The following STX18 variants were observed in gnomAD, a reference collection of about 807,000 sequenced individuals.
STX18 encodes syntaxin-18.
STX18 carries 40 observed loss-of-function variants against 50.1 expected under a neutral mutation model. The observed-to-expected ratio is 0.80, with a 90% CI of 0.62 to 1.04. The LOEUF (loss-of-function observed/expected upper bound fraction) is 1.04, where lower values mean the gene tolerates loss of function less well. STX18 is among the 50% of genes least tolerant of loss of function. The pLI is 0.00. For synonymous variants in STX18, 158 were observed against 151.8 expected (o/e 1.04, Z -0.30); for missense variants, 410 against 415.8 (o/e 0.99, Z 0.12).
At chr4:4,522,571 T>C (rs1017267479) in intron 1 of STX18, among the ~76,000 whole-genome samples, 1 of 152,194 alleles carries the variant, frequency 6.6e-6, no homozygotes, top group Non-Finnish European at 1.5e-5. Context: ...AGTAACACAC[T>C]AGAAACTGAC....
chr4:4,536,199 C>T (rs781503540), intron 1 of STX18, among the ~76,000 whole-genome samples: 20 of 152,186 alleles, frequency 1.3e-4, no homozygotes, highest in Non-Finnish European at 2.5e-4. Flanking sequence ...TATCACAGAG[C>T]TTTAGAACTG....
At chr4:4,443,438 A>C (rs1321931767) in intron 5 of STX18, among the ~76,000 whole-genome samples, 1 of 152,272 alleles carries the variant, frequency 6.6e-6, no homozygotes, top group African/African-American at 2.4e-5. Context: ...ATCTACAGTT[A>C]GCATCATACT....
intron 1 of STX18, among the ~76,000 whole-genome samples, chr4:4,505,318 C>A (rs939110996): frequency 2.0e-5 from 3 of 152,192 alleles, no homozygotes; most frequent in Admixed American, 1.3e-4. Flanking sequence ...GATGTATTTA[C>A]CTACAGTTGA....
At chr4:4,441,258 T>C (rs1353997716) in intron 5 of STX18, among the ~76,000 whole-genome samples, 1 of 152,230 alleles carries the variant, frequency 6.6e-6, no homozygotes, top group African/African-American at 2.4e-5. Context: ...CAGACTCCAA[T>C]TTGCTTTCTC....
intron 1 of STX18, among the ~76,000 whole-genome samples, chr4:4,492,714 T>C (rs865790921): frequency 2.0e-5 from 3 of 152,284 alleles, no homozygotes; most frequent in East Asian, 1.9e-4. Flanking sequence ...CTTATCACCA[T>C]ATGACTAAGA....
intron 1 of STX18, among the ~76,000 whole-genome samples, chr4:4,494,171 A>C (rs1414684036): frequency 6.6e-6 from 1 of 152,214 alleles, no homozygotes; most frequent in Non-Finnish European, 1.5e-5. Flanking sequence ...ACGAAGTAAA[A>C]ACTGATAATG....
rs1724831208 is a variant in STX18, at chr4:4,419,802, G to A, written c.*232C>T. ...TGTCTTGCCTGATGAGGGCTACGCA[G>A]GCTGCCTCCCATTGGTGTGCACTGT... is the stretch of plus-strand genomic sequence containing the variant. On this transcript the variant is annotated 3_prime_UTR_variant, in exon 11 of 11. Coordinates refer to ENST00000306200, the MANE Select transcript of STX18 (RefSeq NM_016930.4). 1 of 471,064 alleles carries A rather than the reference G, an allele frequency of 2.1e-6. No homozygotes were observed. Among genetic ancestry groups the A allele is most frequent in the Non-Finnish European group, 3.9e-6 (1 of 258,348 alleles). The allele number at this position is 471,064 out of a possible 1,614,324, so 29.2% of individuals were successfully genotyped here.
rs34563523 is a variant in STX18 at position 4,489,391 on chromosome 4, A to ATTTTTTTTTTTTTTTTTT, written c.169-17703_169-17686dup. The stretch of plus-strand genomic sequence containing the variant: ...AGCACTTCAATACACATGCAAAATA[A>ATTTTTTTTTTTTTTTTTT]TTTTTTTTTTTTTTTTTTTTTTTTT... On this transcript the variant is annotated intron_variant, in intron 1 of 10. Coordinates refer to ENST00000306200, the MANE Select transcript of STX18 (RefSeq NM_016930.4). Among the ~76,000 whole-genome samples, 21 of 51,676 alleles carry ATTTTTTTTTTTTTTTTTT rather than the reference A, an allele frequency of 4.1e-4. 6 individuals carry two copies. Among genetic ancestry groups the ATTTTTTTTTTTTTTTTTT allele is most frequent in the Non-Finnish European group, 6.0e-4 (16 of 26,642 alleles). The allele number at this position is 51,676 out of a possible 152,430, so 33.9% of individuals were successfully genotyped here.
At position 4,420,210 on chromosome 4, in the gene STX18, C is replaced by T. The variant is rs1345643900; in HGVS notation, c.913-81G>A. ...GCCCTGAAATGCCCCCCTCTTCCCACGTGCTCTCCTGATCCTGGCTGTAAC... is the reference window on the plus strand; with the variant it reads ...GCCCTGAAATGCCCCCCTCTTCCCATGTGCTCTCCTGATCCTGGCTGTAAC... On this transcript the variant is annotated intron_variant, in intron 10 of 10. Transcript: ENST00000306200. The surrounding 1 kb of genome is among the most constrained non-coding windows in gnomAD (Gnocchi z 4.3). 1.4e-5 allele frequency: 15 copies of T among 1,093,756 alleles called. No homozygotes were observed. The highest frequency in any genetic ancestry group is 5.1e-5 in the East Asian group (2 of 38,878). 67.8% of individuals were successfully genotyped at this position (1,093,756 alleles called of 1,614,324 possible). A position where few individuals can be genotyped will look rare whatever the true frequency, so the allele number is the denominator to read the frequency against.
chr4:4,440,809 A>G, intron 5 of STX18, among the ~76,000 whole-genome samples: 1 of 152,212 alleles, frequency 6.6e-6, no homozygotes, highest in South Asian at 2.1e-4. Context: ...TCTGGTTACT[A>G]CAGCTGAGTC....
chr4:4,540,241 A>G (rs752184046), intron 1 of STX18, among the ~76,000 whole-genome samples: 10 of 152,256 alleles, frequency 6.6e-5, no homozygotes, highest in Non-Finnish European at 1.0e-4. Flanking sequence ...TGCAGGGTTC[A>G]GACAACAACC....
chr4:4,496,757 A>C (rs1729194663), intron 1 of STX18, among the ~76,000 whole-genome samples: 1 of 152,200 alleles, frequency 6.6e-6, no homozygotes, highest in Non-Finnish European at 1.5e-5. Context: ...ATGAGTTTGG[A>C]GAAAAAATTA....
intron 1 of STX18, among the ~76,000 whole-genome samples, chr4:4,518,033 A>G (rs1482025870): frequency 6.6e-6 from 1 of 152,166 alleles, no homozygotes; most frequent in African/African-American, 2.4e-5. Context: ...TTGGCCTCCC[A>G]AAGTACTGGG....
At chr4:4,474,557 T>A (rs1329606938) in intron 1 of STX18, among the ~76,000 whole-genome samples, 1 of 152,018 alleles carries the variant, frequency 6.6e-6, no homozygotes, top group African/African-American at 2.4e-5. Flanking sequence ...AGCACATGAG[T>A]TAAGGTTGCT....
chr4:4,531,469 GTTA>G (rs1180872362), intron 1 of STX18, among the ~76,000 whole-genome samples: 4 of 152,104 alleles, frequency 2.6e-5, no homozygotes, highest in African/African-American at 9.7e-5. Context: ...ATTCTAAATG[GTTA>G]TTAATTAAAT....
chr4:4,485,860 G>A (rs1314954196), intron 1 of STX18, among the ~76,000 whole-genome samples: 7 of 152,076 alleles, frequency 4.6e-5, no homozygotes, highest in Non-Finnish European at 5.9e-5. Flanking sequence ...CCTTTTTCTC[G>A]ATGCTACTGG....
intron 1 of STX18, 41 bp downstream of exon 1, chr4:4,541,756 G>A (rs1054145747): frequency 6.3e-7 from 1 of 1,575,976 alleles, no homozygotes; most frequent in African/African-American, 1.4e-5. Context: ...TCGCAGGACT[G>A]CCCCCTCCTC....
chr4:4,477,556 G>A (rs185646106), intron 1 of STX18, among the ~76,000 whole-genome samples: 1 of 152,316 alleles, frequency 6.6e-6, no homozygotes, highest in Admixed American at 6.5e-5. Flanking sequence ...CCCAGGAGCA[G>A]TGACAGCATC....
At chr4:4,502,631 G>GA (rs139066635) in intron 1 of STX18, among the ~76,000 whole-genome samples, 48 of 151,210 alleles carry the variant, frequency 3.2e-4, no homozygotes, top group Admixed American at 3.3e-4. Context: ...CTGTGTTGAA[G>GA]AAAAAAAAAT....
Sources: gnomAD v4.1 joint callset for allele counts (sites outside exome capture counted in the v4.1 genomes callset) on GRCh38, gnomAD v4.1.1 for gene constraint, Gnocchi (gnomAD v3.1) non-coding constraint, MANE v1.5 for transcripts, NCBI Gene and HGNC (gene_info 2026-07-23, HGNC 2026-07-21) for gene names.